Variants in TLN2 observed in about 807,000 individuals in gnomAD.
The protein encoded by TLN2 is talin-2.
In TLN2, 118 loss-of-function variants were observed where a neutral mutation model predicts 294.7. The ratio of observed to expected loss-of-function variants is 0.40; its 90% CI spans 0.34 to 0.47. The LOEUF (loss-of-function observed/expected upper bound fraction) is 0.47. TLN2 is among the 20% of genes least tolerant of loss of function. The pLI, the probability that TLN2 is intolerant of heterozygous loss-of-function variation, is 0.84. For missense variants in TLN2, 3,083 were observed against 3,282.2 expected (o/e 0.94, Z 1.48); for synonymous variants, 1,431 against 1,304.5 (o/e 1.10, Z -2.09).
chr15:62,716,146 T>C (rs558302809), intron 22 of TLN2, among the ~76,000 whole-genome samples, 185 bp from the exon 23 acceptor site: 1 of 152,370 alleles, frequency 6.6e-6, no homozygotes, highest in South Asian at 2.1e-4. Flanking sequence ...CTATGCAATT[T>C]TGAAACATCC....
chr15:62,767,476 G>A (rs912821114), intron 41 of TLN2, among the ~76,000 whole-genome samples: 1 of 151,942 alleles, frequency 6.6e-6, no homozygotes, highest in Admixed American at 6.6e-5. Context: ...CGAGTAGCTG[G>A]GATTATAGGC....
At chr15:62,599,611 C>CAA in intron 2 of TLN2, among the ~76,000 whole-genome samples, 1 of 152,290 alleles carries the variant, frequency 6.6e-6, no homozygotes, top group East Asian at 1.9e-4. Flanking sequence ...GTGAAGTTTA[C>CAA]AAAGCCTTTT....
At chr15:62,653,344 GAC>G (rs1481753748) in intron 7 of TLN2, 30 bp downstream of exon 7, 1 of 1,593,188 alleles carries the variant, frequency 6.3e-7, no homozygotes, top group Non-Finnish European at 8.5e-7. Context: ...GCATGATACA[GAC>G]ACACAGGCTT....
At chr15:62,760,436 T>G (rs1480075976) in intron 37 of TLN2, among the ~76,000 whole-genome samples, 5 of 146,682 alleles carry the variant, frequency 3.4e-5, no homozygotes, top group Admixed American at 6.8e-5. Flanking sequence ...AGTGCCCCTG[T>G]TTTTTTTTTA....
intron 25 of TLN2, among the ~76,000 whole-genome samples, chr15:62,720,105 T>G (rs4775532): frequency 2.0e-5 from 3 of 152,190 alleles, no homozygotes; most frequent in Admixed American, 6.5e-5. Flanking sequence ...ATGGCATATG[T>G]TCCGTTTTCC....
At chr15:62,494,747 T>C (rs1401921701) in intron 1 of TLN2, among the ~76,000 whole-genome samples, 1 of 152,172 alleles carries the variant, frequency 6.6e-6, no homozygotes, top group Non-Finnish European at 1.5e-5. Context: ...AGACATTTAT[T>C]TGAGAAGACA....
intron 1 of TLN2, among the ~76,000 whole-genome samples, chr15:62,534,921 G>A (rs535711280): frequency 5.9e-5 from 9 of 152,314 alleles, no homozygotes; most frequent in African/African-American, 2.2e-4. Flanking sequence ...TTAGGAGATG[G>A]TGGGTTCTGA....
At chr15:62,418,623 C>T (rs1301356908) in intron 1 of TLN2, among the ~76,000 whole-genome samples, 2 of 152,178 alleles carry the variant, frequency 1.3e-5, no homozygotes. Context: ...CACCTGGGTG[C>T]AGGTGGGATG....
chr15:62,729,369 T>C (rs557005481), intron 28 of TLN2, among the ~76,000 whole-genome samples: 24 of 152,218 alleles, frequency 1.6e-4, no homozygotes, highest in Non-Finnish European at 3.2e-4. Flanking sequence ...TGTCAATTCC[T>C]ACAAAATAAT....
intron 2 of TLN2, among the ~76,000 whole-genome samples, chr15:62,617,438 T>C (rs746486105): frequency 2.6e-5 from 4 of 152,138 alleles, no homozygotes; most frequent in Admixed American, 2.0e-4. Context: ...TAATCTGTCA[T>C]GGCAAGGCAC....
chr15:62,816,123 G>A (rs1035206803), intron 52 of TLN2, among the ~76,000 whole-genome samples: 4 of 152,134 alleles, frequency 2.6e-5, no homozygotes, highest in South Asian at 4.1e-4. Context: ...GAAAACCCCC[G>A]CCTGGGGAAT....
chr15:62,518,465 T>G (rs1258925231), intron 1 of TLN2, among the ~76,000 whole-genome samples: 1 of 152,208 alleles, frequency 6.6e-6, no homozygotes, highest in Non-Finnish European at 1.5e-5. Flanking sequence ...TGGTATGACT[T>G]TAAACTTGTC....
At chr15:62,392,674 C>CAT (rs1220590894) in intron 1 of TLN2, among the ~76,000 whole-genome samples, 1 of 152,096 alleles carries the variant, frequency 6.6e-6, no homozygotes, top group Admixed American at 6.5e-5. Flanking sequence ...GAAATGATGT[C>CAT]ATAGTATTGA....
At chr15:62,632,200 C>A (rs2049966799) in intron 3 of TLN2, among the ~76,000 whole-genome samples, 1 of 152,176 alleles carries the variant, frequency 6.6e-6, no homozygotes, top group Non-Finnish European at 1.5e-5. Context: ...GACTAGTGCC[C>A]CTGTGGGGCG....
intron 50 of TLN2, among the ~76,000 whole-genome samples, chr15:62,801,506 T>C (rs1366377440): frequency 6.6e-6 from 1 of 152,236 alleles, no homozygotes; most frequent in African/African-American, 2.4e-5. Context: ...GAGGGATACC[T>C]GCCTTTGCTG....
Position 62,707,181 on chromosome 15 carries a change from C to G in TLN2, c.2100C>G (p.Val700=). Residue 700 remains valine, a synonymous_variant, in exon 20 of 59, where the codon GTC becomes GTG. Transcript: ENST00000636159. ...KNVAQVAEDT[V]LQNRVIAAAT... ...TTGCCCAAGTGGCCGAAGACACTGT[C>G]CTACAGAACAGGGTAATTGCTGCTG... 1 of 1,614,220 alleles carries G rather than the reference C, an allele frequency of 6.2e-7. No individual in the cohort carries two copies. Among genetic ancestry groups the G allele is most frequent in the Non-Finnish European group, 8.5e-7 (1 of 1,180,036 alleles).
intron 50 of TLN2, among the ~76,000 whole-genome samples, chr15:62,802,106 T>G (rs1040747194): frequency 2.7e-5 from 4 of 145,746 alleles, no homozygotes; most frequent in Non-Finnish European, 4.5e-5. Flanking sequence ...CACCCCGACC[T>G]CCCACTTCCG....
intron 2 of TLN2, among the ~76,000 whole-genome samples, chr15:62,607,890 C>T (rs1170056045): frequency 9.9e-5 from 15 of 152,182 alleles, no homozygotes; most frequent in Admixed American, 9.8e-4. Context: ...GGTGTAACTG[C>T]TGCCTGCTTG....
chr15:62,425,087 G>A (rs1264420973), intron 1 of TLN2, among the ~76,000 whole-genome samples: 1 of 150,410 alleles, frequency 6.6e-6, no homozygotes, highest in Admixed American at 6.7e-5. Flanking sequence ...TGAGTAGCTG[G>A]GACCACAGGG....
Sources: gnomAD v4.1 joint callset for allele counts (sites outside exome capture counted in the v4.1 genomes callset) on GRCh38, gnomAD v4.1.1 for gene constraint, MANE v1.5 for transcripts, NCBI Gene and HGNC (gene_info 2026-07-23, HGNC 2026-07-21) for gene names.